SORBS2: variants seen among roughly 807,000 people sequenced by gnomAD.
SORBS2 encodes the protein sorbin and SH3 domain-containing protein 2.
SORBS2 carries 46 observed loss-of-function variants against 97.7 expected under a neutral mutation model. The observed-to-expected ratio is 0.47, with a 90% CI of 0.37 to 0.60. SORBS2 has a LOEUF of 0.60. Among genes scored for constraint, SORBS2 ranks in the 20% least tolerant of loss-of-function variants. The pLI, the probability that SORBS2 is intolerant of heterozygous loss-of-function variation, is 0.00. For missense variants in SORBS2, 1,316 were observed against 1,282.3 expected, an observed-to-expected ratio of 1.03 and a Z score of -0.40; for synonymous variants, 476 against 473.4, an observed-to-expected ratio of 1.01 and a Z score of -0.07.
chr4:185,696,933 T>G (rs1433809898), intron 2 of SORBS2, among the ~76,000 whole-genome samples: 1 of 152,278 alleles, frequency 6.6e-6, no homozygotes, highest in East Asian at 1.9e-4. Flanking sequence ...CTAATGAAAA[T>G]AATTCAGATT....
At chr4:185,694,080 G>A (rs553237414) in intron 2 of SORBS2, among the ~76,000 whole-genome samples, 4 of 152,274 alleles carry the variant, frequency 2.6e-5, no homozygotes, top group Admixed American at 1.3e-4. Flanking sequence ...ACCTGAAACC[G>A]AAAGGCTTCT....
At chr4:185,859,345 C>T (rs1366994762) in intron 1 of SORBS2, among the ~76,000 whole-genome samples, 1 of 152,152 alleles carries the variant, frequency 6.6e-6, no homozygotes, top group Non-Finnish European at 1.5e-5. Context: ...CATACCTTAT[C>T]CTCCCAGCTG....
intron 4 of SORBS2, among the ~76,000 whole-genome samples, chr4:185,633,470 TG>T (rs1488632795): frequency 3.3e-5 from 5 of 150,832 alleles, no homozygotes; most frequent in East Asian, 1.9e-4. Flanking sequence ...TTTTATGTGT[TG>T]TTTTTTTTTT....
At chr4:185,724,958 T>A (rs895620749) in intron 2 of SORBS2, among the ~76,000 whole-genome samples, 1 of 152,208 alleles carries the variant, frequency 6.6e-6, no homozygotes, top group Non-Finnish European at 1.5e-5. Flanking sequence ...TAGTGTCTTT[T>A]TCACCATTTA....
At chr4:185,591,329 T>A (rs540971030) in intron 13 of SORBS2, among the ~76,000 whole-genome samples, 29 of 152,288 alleles carry the variant, frequency 1.9e-4, no homozygotes, top group African/African-American at 7.0e-4. Flanking sequence ...CTTATATCCT[T>A]TTGAGCATGG....
intron 2 of SORBS2, among the ~76,000 whole-genome samples, chr4:185,749,277 G>T (rs1423374945): frequency 5.3e-5 from 8 of 152,170 alleles, no homozygotes; most frequent in African/African-American, 1.9e-4. Context: ...ATGATGGCCT[G>T]AGGTTGTTGC....
At chr4:185,709,302 A>ATTTTTTTTTTT (rs1562045505) in intron 2 of SORBS2, among the ~76,000 whole-genome samples, 1 of 42,206 alleles carries the variant, frequency 2.4e-5, no homozygotes. Context: ...TGCTGGCCAA[A>ATTTTTTTTTTT]TCTTTTTTTT....
At chr4:185,742,017 G>A (rs1176536358) in intron 2 of SORBS2, among the ~76,000 whole-genome samples, 1 of 152,160 alleles carries the variant, frequency 6.6e-6, no homozygotes, top group Admixed American at 6.5e-5. Flanking sequence ...CCCATCCGCT[G>A]ATTTGCCTTT....
intron 2 of SORBS2, among the ~76,000 whole-genome samples, chr4:185,715,611 T>C (rs2098459065): frequency 6.6e-6 from 1 of 152,174 alleles, no homozygotes; most frequent in Non-Finnish European, 1.5e-5. Flanking sequence ...TATTTCAAAA[T>C]TGTTTTTGAT....
At chr4:185,807,867 GTCT>G (rs1350823973) in intron 1 of SORBS2, among the ~76,000 whole-genome samples, 1 of 152,140 alleles carries the variant, frequency 6.6e-6, no homozygotes, top group Non-Finnish European at 1.5e-5. Flanking sequence ...TATATCACAA[GTCT>G]TCTTTATAAA....
intron 2 of SORBS2, among the ~76,000 whole-genome samples, chr4:185,718,232 A>C (rs1303655724): frequency 1.4e-5 from 2 of 146,012 alleles, no homozygotes; most frequent in Non-Finnish European, 1.5e-5. Flanking sequence ...GTCTCAAAGA[A>C]AAAAAAAAAG....
At chr4:185,871,944 C>T (rs1347139942) in intron 1 of SORBS2, among the ~76,000 whole-genome samples, 1 of 152,214 alleles carries the variant, frequency 6.6e-6, no homozygotes, top group Non-Finnish European at 1.5e-5. Context: ...TCATACTGCT[C>T]ATCAAAGCAA....
chr4:185,911,217 C>T (rs754445614), intron 1 of SORBS2, among the ~76,000 whole-genome samples: 1 of 152,026 alleles, frequency 6.6e-6, no homozygotes, highest in Non-Finnish European at 1.5e-5. Flanking sequence ...CAAGAGGCTT[C>T]AAAATTATGA....
chr4:185,617,118 C>T (rs566866339), intron 9 of SORBS2, among the ~76,000 whole-genome samples: 1 of 152,306 alleles, frequency 6.6e-6, no homozygotes, highest in Non-Finnish European at 1.5e-5. Flanking sequence ...ACTTCACATC[C>T]CCTGCCATTC....
rs116829956 is a variant in SORBS2, at chr4:185,824,747, A to G, written c.-337-49381T>C. Among the ~76,000 whole-genome samples the G allele has an allele frequency of 7.1e-3, 1,078 of 152,222 alleles. 9 individuals carry two copies. Among genetic ancestry groups the G allele is most frequent in the African/African-American group, 0.024 (988 of 41,532 alleles). ...CTGCTAGATTTAGAGTGAATCTACC[A>G]TTATAAAATTGAATCAACAACAAAA... On this transcript the variant is annotated intron_variant, in intron 1 of 20. Transcript: ENST00000284776.
At position 185,916,460 on chromosome 4, in the gene SORBS2, T is replaced by C. The variant is rs1019837876; in HGVS notation, c.-338+39736A>G. The stretch of plus-strand genomic sequence containing the variant: ...CACCCAGTCACCTGCCTGTGAAGCA[T>C]AGTGAGCCAATTCATTACTAATGAT... On this transcript the variant is annotated intron_variant, in intron 1 of 20. Coordinates refer to the SORBS2 transcript ENST00000284776. Among the ~76,000 whole-genome samples the C allele has an allele frequency of 9.4e-4, 143 of 152,302 alleles. 1 individual carries two copies. The highest frequency in any genetic ancestry group is 3.2e-3 in the African/African-American group (132 of 41,554).
At chr4:185,804,406 A>T (rs1411437815) in intron 1 of SORBS2, among the ~76,000 whole-genome samples, 1 of 152,254 alleles carries the variant, frequency 6.6e-6, no homozygotes, top group Non-Finnish European at 1.5e-5. Flanking sequence ...TCACTTTCAC[A>T]TGGAAAGACT....
chr4:185,880,706 C>T (rs1216144202), intron 1 of SORBS2, among the ~76,000 whole-genome samples: 1 of 152,150 alleles, frequency 6.6e-6, no homozygotes, highest in Non-Finnish European at 1.5e-5. Context: ...TGCTTAGGAC[C>T]AGTGGCCTTT....
At chr4:185,749,386 T>A (rs2098785552) in intron 2 of SORBS2, among the ~76,000 whole-genome samples, 1 of 152,234 alleles carries the variant, frequency 6.6e-6, no homozygotes. Flanking sequence ...CCTGCCTTCT[T>A]GATATCCCAT....
Sources: allele counts gnomAD v4.1 joint callset (sites outside exome capture counted in the v4.1 genomes callset), GRCh38; gene constraint gnomAD v4.1.1; transcripts MANE v1.5; gene names NCBI Gene and HGNC (gene_info 2026-07-23, HGNC 2026-07-21).